Variants in CAB39L observed in about 807,000 individuals in gnomAD.
The protein encoded by CAB39L is calcium-binding protein 39-like.
In CAB39L, 23 loss-of-function variants were observed where a neutral mutation model predicts 39.1. The observed-to-expected ratio is 0.59, with a 90% CI of 0.42 to 0.83. CAB39L has a LOEUF of 0.83. Ranked by LOEUF, CAB39L falls within the 40% of genes least tolerant of loss-of-function variation. CAB39L has a pLI of 0.00. For missense variants in CAB39L, 366 were observed against 391.9 expected (o/e 0.93, Z 0.56); for synonymous variants, 126 against 137.2 (o/e 0.92, Z 0.57).
chr13:49,355,464 T>A (rs1211286830), intron 6 of CAB39L, among the ~76,000 whole-genome samples: 1 of 152,104 alleles, frequency 6.6e-6, no homozygotes, highest in Non-Finnish European at 1.5e-5. Context: ...TGAGCACCCC[T>A]AGCAACCAGA....
chr13:49,443,081 G>A (rs1300752942), intron 1 of CAB39L, among the ~76,000 whole-genome samples: 3 of 86,254 alleles, frequency 3.5e-5, no homozygotes, highest in Non-Finnish European at 7.0e-5. Context: ...CCACAACAAT[G>A]CTAAAAAAAA....
chr13:49,396,757 C>T (rs868466400), intron 3 of CAB39L, among the ~76,000 whole-genome samples: 1 of 151,996 alleles, frequency 6.6e-6, no homozygotes, highest in Non-Finnish European at 1.5e-5. Context: ...TATTCCTTTA[C>T]CTGTATTCCA....
intron 5 of CAB39L, among the ~76,000 whole-genome samples, chr13:49,373,976 C>T (rs953101309): frequency 6.6e-6 from 1 of 152,204 alleles, no homozygotes; most frequent in African/African-American, 2.4e-5. Flanking sequence ...TATAAGTAGG[C>T]TAATAATGCT....
intron 5 of CAB39L, among the ~76,000 whole-genome samples, chr13:49,366,619 C>T (rs1280937896): frequency 8.8e-6 from 1 of 113,250 alleles, no homozygotes; most frequent in Non-Finnish European, 1.8e-5. Context: ...AAGAGCGAAA[C>T]TCTGTCTAAA....
At chr13:49,436,166 CCTTT>C (rs1452918810) in intron 1 of CAB39L, among the ~76,000 whole-genome samples, 2 of 152,154 alleles carry the variant, frequency 1.3e-5, no homozygotes, top group Non-Finnish European at 2.9e-5. Flanking sequence ...GCTAACCTCT[CCTTT>C]CTGTCTGGAA....
At position 49,329,540 on chromosome 13, in the gene CAB39L, AAAAAATATATATATATATAT is replaced by A. The variant is rs1370894478; in HGVS notation, c.834+2387_834+2406del. ...TCCTACATATCTCTTCAATTAAAAA[AAAAAATATATATATATATAT>A]ATATATATATATATATATATATATA... On this transcript the variant is annotated intron_variant, in intron 10 of 10. Coordinates refer to ENST00000409308, the MANE Select transcript of CAB39L (RefSeq NM_001079670.3). Among the ~76,000 whole-genome samples, 5 of 37,578 alleles carry A rather than the reference AAAAAATATATATATATATAT, an allele frequency of 1.3e-4. 1 individual carries two copies. Among genetic ancestry groups the A allele is most frequent in the East Asian group, 7.9e-4 (1 of 1,262 alleles). 24.7% of individuals were successfully genotyped at this position (37,578 alleles called of 152,430 possible). A position where few individuals can be genotyped will look rare whatever the true frequency, so the allele number is the denominator to read the frequency against.
At position 49,359,283 on chromosome 13, in the gene CAB39L, G is replaced by A. The variant is rs185882252; in HGVS notation, c.395+431C>T. On this transcript the variant is annotated intron_variant, in intron 6 of 10. Transcript: ENST00000409308. Reference sequence around the variant, plus strand: ...AGACCCATATACATTCACCTTGGCAGATGCTAGCTACTGGAAAAACTCTCA... The same window carrying A: ...AGACCCATATACATTCACCTTGGCAAATGCTAGCTACTGGAAAAACTCTCA... 3.8e-3 allele frequency among the ~76,000 whole-genome samples: 577 copies of A among 152,280 alleles called. 15 individuals are homozygous for A. The highest frequency in any genetic ancestry group is 0.035 in the Admixed American group (533 of 15,292).
At chr13:49,327,476 G>A (rs1954539982) in intron 10 of CAB39L, among the ~76,000 whole-genome samples, 1 of 151,566 alleles carries the variant, frequency 6.6e-6, no homozygotes, top group Non-Finnish European at 1.5e-5. Context: ...GCTAATTTTT[G>A]TGTTTTTAGT....
At chr13:49,341,084 A>G (rs1954991392) in intron 8 of CAB39L, among the ~76,000 whole-genome samples, 1 of 152,216 alleles carries the variant, frequency 6.6e-6, no homozygotes. Context: ...ATTAGTTGAT[A>G]TTGTAGATTT....
intron 3 of CAB39L, among the ~76,000 whole-genome samples, 183 bp downstream of exon 3, chr13:49,433,135 G>T (rs1957353071): frequency 6.6e-6 from 1 of 152,106 alleles, no homozygotes; most frequent in South Asian, 2.1e-4. Flanking sequence ...GTGGAGGGAG[G>T]AATTCAGGCT....
intron 3 of CAB39L, among the ~76,000 whole-genome samples, chr13:49,396,411 TA>T (rs928528346): frequency 1.3e-5 from 2 of 151,596 alleles, no homozygotes; most frequent in African/African-American, 2.4e-5. Context: ...TACCACCACA[TA>T]AAAAAAAATT....
At chr13:49,348,832 C>T (rs1955257907) in intron 7 of CAB39L, among the ~76,000 whole-genome samples, 1 of 152,322 alleles carries the variant, frequency 6.6e-6, no homozygotes, top group African/African-American at 2.4e-5. Context: ...GCTTAACCAC[C>T]CACCACTCTT....
In CAB39L at chr13:49,353,662, A is replaced by G. The variant is rs74467866; in HGVS notation, c.396-2750T>C. Among the ~76,000 whole-genome samples, 1,166 of 152,098 alleles carry G rather than the reference A, an allele frequency of 7.7e-3. 14 individuals carry two copies. The highest frequency in any genetic ancestry group is 0.04 in the East Asian group (206 of 5,172). ...TATTCTTTCTGCCCTTCACACTCAA[A>G]TAACAGCTTGTCTGTAATTTCTCTT... On this transcript the variant is annotated intron_variant, in intron 6 of 10. Transcript: ENST00000409308.
rs1291069201 is a variant in CAB39L at position 49,350,761 on chromosome 13, C to T, written c.547G>A (p.Ala183Thr). Residue 183 changes from alanine to threonine, a missense_variant, in exon 7 of 11, where the codon GCC becomes ACC. By Grantham distance (58) the Ala-to-Thr change is moderately conservative. Transcript: ENST00000409308. ...AAAATTACCTTGAAAGTAGCAAAGG[C>T]ATCTGAAGCAATATCAAATGTTGAC... ...ELSTFDIASDAFATFKDLLTR... is the reference protein window; with the variant it reads ...ELSTFDIASDTFATFKDLLTR... The T allele has an allele frequency of 6.4e-7, 1 of 1,570,282 alleles. No individual in the cohort carries two copies. Among genetic ancestry groups the T allele is most frequent in the Non-Finnish European group, 8.6e-7 (1 of 1,157,872 alleles).
intron 7 of CAB39L, among the ~76,000 whole-genome samples, chr13:49,347,356 A>G (rs984812988): frequency 6.6e-6 from 1 of 152,368 alleles, no homozygotes; most frequent in South Asian, 2.1e-4. Flanking sequence ...ACTATCAAGT[A>G]CATCTTATTC....
chr13:49,429,757 C>T (rs1957292540), intron 3 of CAB39L, among the ~76,000 whole-genome samples: 1 of 152,162 alleles, frequency 6.6e-6, no homozygotes, highest in South Asian at 2.1e-4. Context: ...AAAATGTTCT[C>T]TTATAGTTTT....
chr13:49,422,550 G>C (rs1189409386), intron 3 of CAB39L, among the ~76,000 whole-genome samples: 1 of 152,096 alleles, frequency 6.6e-6, no homozygotes, highest in African/African-American at 2.4e-5. Context: ...TCCAGCCTGG[G>C]AGACAGAGCG....
chr13:49,433,102 G>C (rs961343292), intron 3 of CAB39L, among the ~76,000 whole-genome samples: 1 of 152,058 alleles, frequency 6.6e-6, no homozygotes, highest in African/African-American at 2.4e-5. Context: ...TTTTTATACT[G>C]AATCTAGTAC....
At chr13:49,319,094 A>G (rs1449777580) in intron 10 of CAB39L, among the ~76,000 whole-genome samples, 1 of 151,990 alleles carries the variant, frequency 6.6e-6, no homozygotes, top group East Asian at 1.9e-4. Context: ...AAATACAAAA[A>G]TTGGCTGGGT....
Sources: gnomAD v4.1 joint callset for allele counts (sites outside exome capture counted in the v4.1 genomes callset) on GRCh38, gnomAD v4.1.1 for gene constraint, MANE v1.5 for transcripts, NCBI Gene and HGNC (gene_info 2026-07-23, HGNC 2026-07-21) for gene names.